SLC38A6: variants seen among roughly 807,000 people sequenced by gnomAD.
SLC38A6 encodes the protein solute carrier family 38 member 6, also known as N system amino acid transporter NAT-1.
A neutral mutation model predicts 65.0 loss-of-function variants in SLC38A6; 73 were observed. That is an observed-to-expected ratio of 1.12 (90% confidence interval 0.93 to 1.37). The LOEUF is 1.37. SLC38A6 is among the 40% of genes most tolerant of loss of function. SLC38A6 has a pLI of 0.00. For missense variants in SLC38A6, 561 were observed against 531.1 expected, an observed-to-expected ratio of 1.06 and a Z score of -0.55; for synonymous variants, 183 against 178.8, an observed-to-expected ratio of 1.02 and a Z score of -0.19.
rs779461786 is a variant in SLC38A6 at position 61,037,109 on chromosome 14, T to C, written c.533T>C (p.Ile178Thr). 35 of 1,609,050 alleles carry C rather than the reference T, an allele frequency of 2.2e-5. No individual in the cohort carries two copies. Among genetic ancestry groups the C allele is most frequent in the South Asian group, 2.1e-4 (19 of 90,238 alleles). Reference protein sequence around the residue: ...QTLLIIICVGIVFPLALLPKI... With the variant: ...QTLLIIICVGTVFPLALLPKI... ...CTACTAATAATCATATGTGTTGGCA[T>C]TGTGTTCCCTCTTGCACTTCTTCCC... Residue 178 changes from isoleucine (I) to threonine (T), a missense_variant, in exon 7 of 16, where the codon ATT (isoleucine) becomes ACT (threonine). Coordinates refer to ENST00000267488, the MANE Select transcript of SLC38A6 (RefSeq NM_153811.3).
intron 15 of SLC38A6, among the ~76,000 whole-genome samples, chr14:61,074,145 A>G (rs1001769381): frequency 5.9e-5 from 9 of 152,202 alleles, no homozygotes; most frequent in African/African-American, 2.2e-4. Flanking sequence ...CAGATTTTCA[A>G]CTGTGTGGTG....
intron 5 of SLC38A6, among the ~76,000 whole-genome samples, chr14:61,021,156 C>G (rs961887661): frequency 6.6e-5 from 10 of 152,108 alleles, no homozygotes; most frequent in African/African-American, 2.4e-4. Flanking sequence ...TGCCTCATTT[C>G]TCTTTGTACT....
chr14:61,054,528 T>A (rs563267693), downstream of SLC38A6, among the ~76,000 whole-genome samples: 1 of 152,338 alleles, frequency 6.6e-6, no homozygotes, highest in South Asian at 2.1e-4. Flanking sequence ...TTTTCATTTG[T>A]TTGTGTCTTC....
intron 15 of SLC38A6, among the ~76,000 whole-genome samples, chr14:61,068,699 A>G (rs2043113531): frequency 6.6e-6 from 1 of 152,206 alleles, no homozygotes; most frequent in South Asian, 2.1e-4. Flanking sequence ...CCTGTTATAC[A>G]GGTCACTGCT....
chr14:61,024,887 G>T (rs756264356), intron 5 of SLC38A6, among the ~76,000 whole-genome samples: 6 of 152,152 alleles, frequency 3.9e-5, no homozygotes, highest in Non-Finnish European at 7.4e-5. Flanking sequence ...CTCCTAGGGG[G>T]ATGTTATATT....
chr14:61,033,170 C>T (rs2041118063), intron 6 of SLC38A6, among the ~76,000 whole-genome samples: 3 of 151,912 alleles, frequency 2.0e-5, no homozygotes, highest in Admixed American at 2.0e-4. Context: ...ATTTTAGTTA[C>T]ATAATTGATA....
chr14:61,031,326 T>C (rs1594661606), intron 6 of SLC38A6, among the ~76,000 whole-genome samples: 1 of 152,174 alleles, frequency 6.6e-6, no homozygotes, highest in East Asian at 1.9e-4. Context: ...GAATACTGGG[T>C]TGTTCTGCTT....
intron 3 of SLC38A6, among the ~76,000 whole-genome samples, chr14:60,995,003 C>CAAAAAAA (rs34888148): frequency 2.7e-5 from 2 of 73,162 alleles, no homozygotes; most frequent in Admixed American, 1.5e-4. Flanking sequence ...GACTCCATCT[C>CAAAAAAA]AAAAAAAAAA....
At chr14:61,020,127 T>C (rs930497419) in intron 5 of SLC38A6, among the ~76,000 whole-genome samples, 1 of 152,176 alleles carries the variant, frequency 6.6e-6, no homozygotes, top group Non-Finnish European at 1.5e-5. Context: ...ATGATCTCAA[T>C]ATTGAGAACT....
At chr14:61,025,054 C>G (rs1020965409) in intron 5 of SLC38A6, among the ~76,000 whole-genome samples, 2 of 152,146 alleles carry the variant, frequency 1.3e-5, no homozygotes, top group African/African-American at 2.4e-5. Flanking sequence ...ACTGAAACCT[C>G]CTGAAATTGC....
At position 61,051,845 on chromosome 14, in the gene SLC38A6, A is replaced by G. The variant is rs753738092; in HGVS notation, c.1109A>G (p.His370Arg). 1 of 1,612,488 alleles carries G rather than the reference A, an allele frequency of 6.2e-7. No homozygotes were observed. The highest frequency in any genetic ancestry group is 1.3e-5 in the African/African-American group (1 of 74,826). Residue 370 changes from histidine to arginine, a missense_variant, in exon 14 of 16, where the codon CAT (histidine) becomes CGT (arginine). Physicochemically the swap from His to Arg is conservative, Grantham distance 29. Transcript: ENST00000267488. ...FSNFPFSWIR[H>R]FLITLALNII... ...AATTTTCCATTCTCATGGATTCGCC[A>G]TTTTTTGATCACTCTAGCACTCAAT...
At chr14:61,029,155 C>CTTT (rs111427405) in intron 5 of SLC38A6, among the ~76,000 whole-genome samples, 4 of 130,320 alleles carry the variant, frequency 3.1e-5, no homozygotes, top group Non-Finnish European at 6.6e-5. Context: ...ACTCTTTATT[C>CTTT]TTTTTTTTTT....
At chr14:61,034,554 C>A (rs532218295) in intron 6 of SLC38A6, among the ~76,000 whole-genome samples, 4 of 152,230 alleles carry the variant, frequency 2.6e-5, no homozygotes, top group Non-Finnish European at 2.9e-5. Context: ...CAGAAGGAAA[C>A]ACATTTCAGA....
At chr14:61,016,970 T>C (rs2040049188) in intron 4 of SLC38A6, among the ~76,000 whole-genome samples, 2 of 152,192 alleles carry the variant, frequency 1.3e-5, no homozygotes, top group Admixed American at 6.5e-5. Flanking sequence ...AAAGTGAGTC[T>C]GGAGGAAATA....
At chr14:61,018,075 AG>A (rs1199449768) in intron 4 of SLC38A6, among the ~76,000 whole-genome samples, 1 of 152,198 alleles carries the variant, frequency 6.6e-6, no homozygotes, top group African/African-American at 2.4e-5. Flanking sequence ...AAATATAAGT[AG>A]GTAGGCAGGT....
At chr14:61,078,248 G>A (rs1343651507) in intron 15 of SLC38A6, among the ~76,000 whole-genome samples, 2 of 152,206 alleles carry the variant, frequency 1.3e-5, no homozygotes, top group African/African-American at 4.8e-5. Context: ...CCTTCTGGGT[G>A]AGTGGGGAAG....
chr14:61,078,097 G>T (rs1428255001), intron 15 of SLC38A6, among the ~76,000 whole-genome samples: 1 of 152,216 alleles, frequency 6.6e-6, no homozygotes, highest in African/African-American at 2.4e-5. Context: ...GTAATACCCT[G>T]AAGCGCAGGG....
chr14:61,068,930 A>C (rs1014734296), intron 15 of SLC38A6, among the ~76,000 whole-genome samples: 1 of 152,156 alleles, frequency 6.6e-6, no homozygotes, highest in African/African-American at 2.4e-5. Flanking sequence ...CTTCTTTGAA[A>C]TGCCTCCTAG....
In SLC38A6 at chr14:61,037,681, G is replaced by T. The variant is rs1210212480; in HGVS notation, c.622G>T (p.Val208Leu). 6.3e-7 allele frequency: 1 copy of T among 1,580,016 alleles called. No individual in the cohort carries two copies. The highest frequency in any genetic ancestry group is 8.7e-7 in the Non-Finnish European group (1 of 1,156,048). Residue 208 changes from valine to leucine, a missense_variant and splice_region_variant, in exon 8 of 16, where the codon GTG becomes TTG. By Grantham distance (32) the Val-to-Leu change is conservative. Coordinates refer to ENST00000267488, the MANE Select transcript of SLC38A6 (RefSeq NM_153811.3). ...TTTCTTTATGATGTTCTTTGCTCTT[G>T]TGGTAAGTTTAAAATATAATACATT... is the stretch of plus-strand genomic sequence containing the variant. ...SFFFMMFFAL[V>L]VIIKKWSIPC...
Sources: allele counts gnomAD v4.1 joint callset (sites outside exome capture counted in the v4.1 genomes callset), GRCh38; gene constraint gnomAD v4.1.1; transcripts MANE v1.5; gene names NCBI Gene and HGNC (gene_info 2026-07-23, HGNC 2026-07-21).